Variants in ZFHX4 observed in about 807,000 individuals in gnomAD.
The protein encoded by ZFHX4 is zinc finger homeobox protein 4.
In ZFHX4, 56 loss-of-function variants were observed where a neutral mutation model predicts 267.6. That is an observed-to-expected ratio of 0.21 (90% confidence interval 0.17 to 0.26). The LOEUF (loss-of-function observed/expected upper bound fraction) is 0.26, where lower values mean the gene tolerates loss of function less well. ZFHX4 is among the 10% of genes least tolerant of loss of function. The pLI, the probability that ZFHX4 is intolerant of heterozygous loss-of-function variation, is 1.00. For synonymous variants in ZFHX4, 1,778 were observed against 1,665.6 expected (o/e 1.07, Z -1.64); for missense variants, 4,332 against 4,420.0 (o/e 0.98, Z 0.56).
At chr8:76,794,185 A>G (rs1378864207) in intron 4 of ZFHX4, among the ~76,000 whole-genome samples, 3 of 152,178 alleles carry the variant, frequency 2.0e-5, no homozygotes, top group Non-Finnish European at 4.4e-5. Context: ...AATTTTAGGC[A>G]TCTTCTTTTA....
intron 4 of ZFHX4, among the ~76,000 whole-genome samples, chr8:76,780,466 G>T (rs1253124570): frequency 1.3e-5 from 2 of 152,110 alleles, no homozygotes; most frequent in Non-Finnish European, 2.9e-5. Flanking sequence ...TAAGGATGAT[G>T]TTTTAATAAC....
At chr8:76,806,528 G>A (rs1005893376) in intron 4 of ZFHX4, among the ~76,000 whole-genome samples, 3 of 151,930 alleles carry the variant, frequency 2.0e-5, no homozygotes, top group Non-Finnish European at 2.9e-5. Context: ...TTATTTTATC[G>A]GACAGAGCCA....
At chr8:76,758,506 T>C (rs1391535895) in intron 3 of ZFHX4, among the ~76,000 whole-genome samples, 2 of 152,172 alleles carry the variant, frequency 1.3e-5, no homozygotes, top group African/African-American at 2.4e-5. Context: ...GTTTGTTTGT[T>C]TTTTTTGAGA....
intron 1 of ZFHX4, among the ~76,000 whole-genome samples, chr8:76,698,513 T>C (rs150957807): frequency 2.0e-4 from 31 of 152,228 alleles, no homozygotes; most frequent in African/African-American, 7.2e-4. Context: ...GTAATAGTTA[T>C]ATACAGTCTA....
chr8:76,732,417 C>G (rs975806009), intron 3 of ZFHX4, among the ~76,000 whole-genome samples: 1 of 151,628 alleles, frequency 6.6e-6, no homozygotes, highest in Non-Finnish European at 1.5e-5. Context: ...TATTAATATT[C>G]GCAGTATTCT....
intron 3 of ZFHX4, among the ~76,000 whole-genome samples, chr8:76,737,056 C>T (rs1346921711): frequency 6.6e-6 from 1 of 152,074 alleles, no homozygotes; most frequent in Non-Finnish European, 1.5e-5. Context: ...CAAAATCATT[C>T]TTAGAATTTA....
intron 4 of ZFHX4, among the ~76,000 whole-genome samples, chr8:76,789,965 G>A (rs1231785199): frequency 6.6e-6 from 1 of 152,028 alleles, no homozygotes; most frequent in Non-Finnish European, 1.5e-5. Flanking sequence ...TTTTGTTTCA[G>A]ATTTGATTTC....
At chr8:76,748,080 TAAC>T (rs1323696268) in intron 3 of ZFHX4, among the ~76,000 whole-genome samples, 1 of 152,240 alleles carries the variant, frequency 6.6e-6, no homozygotes, top group African/African-American at 2.4e-5. Flanking sequence ...TTTATAATCT[TAAC>T]TACTCGTATG....
chr8:76,837,972 T>C (rs1308541475), intron 5 of ZFHX4, among the ~76,000 whole-genome samples: 1 of 152,232 alleles, frequency 6.6e-6, no homozygotes, highest in African/African-American at 2.4e-5. Flanking sequence ...GCTCACCAAT[T>C]TGTGTATGTT....
chr8:76,772,216 G>A (rs926690167), intron 3 of ZFHX4, among the ~76,000 whole-genome samples: 2 of 152,144 alleles, frequency 1.3e-5, no homozygotes, highest in African/African-American at 4.8e-5. Context: ...GTGGGAAAGC[G>A]TGGAGGATGA....
At chr8:76,818,487 T>G (rs1408748758) in intron 4 of ZFHX4, among the ~76,000 whole-genome samples, 1 of 152,210 alleles carries the variant, frequency 6.6e-6, no homozygotes, top group Non-Finnish European at 1.5e-5. Context: ...AGCTTTTGAT[T>G]GTATGAATGG....
intron 1 of ZFHX4, chr8:76,693,404 A>AC (rs1226670749): frequency 6.6e-6 from 1 of 152,186 alleles, no homozygotes; most frequent in Non-Finnish European, 1.5e-5. Flanking sequence ...GTCAGAAGGG[A>AC]TATAGCACAA....
At chr8:76,752,125 T>C (rs1261347990) in intron 3 of ZFHX4, among the ~76,000 whole-genome samples, 1 of 152,194 alleles carries the variant, frequency 6.6e-6, no homozygotes, top group African/African-American at 2.4e-5. Flanking sequence ...GCAGCTTCCC[T>C]GCAATCCTTT....
intron 4 of ZFHX4, among the ~76,000 whole-genome samples, chr8:76,823,130 C>CTT (rs201717109): frequency 2.1e-4 from 28 of 136,254 alleles, no homozygotes; most frequent in African/African-American, 5.9e-4. Flanking sequence ...ATAGTGTCTC[C>CTT]TTTTTTTTTT....
In ZFHX4 at chr8:76,853,594, A is replaced by G. The variant is rs756218301; in HGVS notation, c.6673A>G (p.Ser2225Gly). 2 of 1,613,950 alleles carry G rather than the reference A, an allele frequency of 1.2e-6. No homozygotes were observed. The highest frequency in any genetic ancestry group is 3.3e-5 in the Admixed American group (2 of 60,028). The change falls in exon 10 of 11, where the codon AGT becomes GGT. Residue 2225 changes from serine (S) to glycine (G), a missense_variant. Ser to Gly is a moderately conservative substitution (Grantham distance 56). Around this residue, in one of 7 missense-constraint regions of ZFHX4, gnomAD observed 62 missense variants for 69.8 expected, o/e 0.89. Transcript: ENST00000651372. ...LEHYKSDASF[S>G]KRSSRTRFTD... ...ACATTACAAATCTGATGCATCATTC[A>G]GTAAAAGGTCTTCTAGAACGAGATT...
At chr8:76,826,353 A>T (rs1811784305) in intron 4 of ZFHX4, among the ~76,000 whole-genome samples, 1 of 152,210 alleles carries the variant, frequency 6.6e-6, no homozygotes, top group South Asian at 2.1e-4. Context: ...TTTCAACATG[A>T]GTTCCAGAGG....
rs914106383 is a variant in ZFHX4, at chr8:76,798,574, T to A, written c.3325+20135T>A. ...TAAAATAAGAATGATTCATCAAGCA[T>A]GAGAGCTGCTGGTTTATGAAATTCA... On this transcript the variant is annotated intron_variant, in intron 4 of 10. Coordinates refer to ENST00000651372, the MANE Select transcript of ZFHX4 (RefSeq NM_024721.5). Among the ~76,000 whole-genome samples the A allele has an allele frequency of 2.6e-5, 4 of 152,212 alleles. No homozygotes were observed. The East Asian group carries it at 7.7e-4, about 29-fold the overall frequency.
chr8:76,811,109 C>T (rs1354480262), intron 4 of ZFHX4, among the ~76,000 whole-genome samples: 3 of 152,114 alleles, frequency 2.0e-5, no homozygotes, highest in Non-Finnish European at 4.4e-5. Context: ...AAGCTAAACC[C>T]TCATCTCACG....
intron 3 of ZFHX4, among the ~76,000 whole-genome samples, chr8:76,738,906 G>A (rs907462886): frequency 1.3e-5 from 2 of 151,904 alleles, no homozygotes; most frequent in Non-Finnish European, 2.9e-5. Flanking sequence ...GTAGAGATGG[G>A]GTTTTACCAT....
Sources: gnomAD v4.1 joint callset for allele counts (sites outside exome capture counted in the v4.1 genomes callset) on GRCh38, gnomAD v4.1.1 for gene constraint, gnomAD v4.1.1 regional missense constraint, MANE v1.5 for transcripts, NCBI Gene and HGNC (gene_info 2026-07-23, HGNC 2026-07-21) for gene names.